Variants in DAB1 observed in about 807,000 individuals in gnomAD.
The protein encoded by DAB1 is DAB adaptor protein 1.
DAB1 carries 15 observed loss-of-function variants against 64.6 expected under a neutral mutation model. That is an observed-to-expected ratio of 0.23 (90% CI 0.16 to 0.36). The LOEUF is 0.36. DAB1 is among the 10% of genes least tolerant of loss of function. The pLI is 1.00. For synonymous variants in DAB1, 235 were observed against 251.9 expected, an observed-to-expected ratio of 0.93 and a Z score of 0.64; for missense variants, 596 against 706.7, an observed-to-expected ratio of 0.84 and a Z score of 1.78.
rs1180185592 is a variant in DAB1 at position 57,949,513 on chromosome 1, C to CTA, written n.388-65352_388-65351insTA. Among the ~76,000 whole-genome samples, 122 of 137,688 alleles carry CTA rather than the reference C, an allele frequency of 8.9e-4. 1 individual carries two copies. The highest frequency in any genetic ancestry group is 1.6e-3 in the Admixed American group (23 of 13,994). 90.3% of individuals were successfully genotyped at this position (137,688 alleles called of 152,430 possible). ...TATCTATCTATCTATCTATCTATAT[C>CTA]TGTCTGTCTGTCTGTCTGTCTATCT... On this transcript the variant is annotated intron_variant and non_coding_transcript_variant, in intron 5 of 20. Coordinates refer to the DAB1 transcript ENST00000485760.
At chr1:57,679,718 A>C (rs1472190475) in intron 6 of DAB1, among the ~76,000 whole-genome samples, 1 of 152,206 alleles carries the variant, frequency 6.6e-6, no homozygotes, top group Admixed American at 6.5e-5. Flanking sequence ...CATAGAAAAC[A>C]AAGTGGGAGA....
chr1:57,571,643 G>A lies in DAB1; in HGVS notation n.625+77949C>T, dbSNP rs577585277. ...AATGTTGGGCTAGAAGAAGACAAAC[G>A]ACCATCTGTTCCTAATTTTTCAGGT... On this transcript the variant is annotated intron_variant and non_coding_transcript_variant, in intron 7 of 20. Transcript: ENST00000485760. 1.4e-4 allele frequency among the ~76,000 whole-genome samples: 22 copies of A among 152,300 alleles called. No individual in the cohort carries two copies. The East Asian group carries it at 3.5e-3, about 24-fold the overall frequency.
At chr1:58,223,783 C>T (rs921051052) in intron 4 of DAB1, among the ~76,000 whole-genome samples, 1 of 152,156 alleles carries the variant, frequency 6.6e-6, no homozygotes, top group Non-Finnish European at 1.5e-5. Flanking sequence ...TAATAAAGTG[C>T]ACGATATTAC....
chr1:57,038,121 G>A (rs1647256737), intron 9 of DAB1, among the ~76,000 whole-genome samples: 1 of 152,186 alleles, frequency 6.6e-6, no homozygotes, highest in Non-Finnish European at 1.5e-5. Context: ...TTAATGGGGT[G>A]CTTCCTAAAT....
intron 5 of DAB1, among the ~76,000 whole-genome samples, chr1:58,030,377 A>G (rs138459900): frequency 3.3e-5 from 5 of 152,306 alleles, no homozygotes; most frequent in African/African-American, 1.2e-4. Flanking sequence ...GGTTTCCACA[A>G]CAAGCATATA....
chr1:58,375,371 T>G (rs919812187), intron 3 of DAB1, among the ~76,000 whole-genome samples: 59 of 139,480 alleles, frequency 4.2e-4, no homozygotes, highest in Admixed American at 1.4e-4. Context: ...ACCTAATTTA[T>G]TGAGAGTTTT....
intron 3 of DAB1, among the ~76,000 whole-genome samples, chr1:58,431,551 C>A (rs1644873062): frequency 8.5e-6 from 1 of 117,358 alleles, no homozygotes; most frequent in Admixed American, 9.5e-5. Context: ...GAGCGAGACT[C>A]CATCTGGAAA....
rs375252903 is a variant in DAB1, at chr1:58,247,507, CCA to C, written n.309+95843_309+95844del. Among the ~76,000 whole-genome samples, 20 of 152,256 alleles carry C rather than the reference CCA, an allele frequency of 1.3e-4. 1 individual carries two copies. The highest frequency in any genetic ancestry group is 4.6e-4 in the African/African-American group (19 of 41,544). ...AACAGCACACCAACAACTGGAGTCT[CCA>C]GTCATGGATGAATGGAGAAACAGAG... On this transcript the variant is annotated intron_variant and non_coding_transcript_variant, in intron 4 of 20. Transcript: ENST00000485760.
At chr1:57,462,645 A>G (rs1353114892) in intron 7 of DAB1, among the ~76,000 whole-genome samples, 1 of 152,110 alleles carries the variant, frequency 6.6e-6, no homozygotes, top group African/African-American at 2.4e-5. Context: ...TACTGCTCCC[A>G]TTTTTTAAAT....
At chr1:57,583,432 G>A (rs115776066) in intron 7 of DAB1, among the ~76,000 whole-genome samples, 13,059 of 151,536 alleles carry the variant, frequency 0.086, 799 homozygotes, top group Non-Finnish European at 0.13. Flanking sequence ...GACTACACGC[G>A]CGCGCCAATA....
rs750819465 is a variant in DAB1 at position 58,300,646 on chromosome 1, GAGGA to G, written n.309+42702_309+42705del. ...AGAGAGAGAGAGAGAGAGAGAGAGA[GAGGA>G]AGGAAGGAAGGAAGGAAGGAAGGAA... is the stretch of plus-strand genomic sequence containing the variant. On this transcript the variant is annotated intron_variant and non_coding_transcript_variant, in intron 4 of 20. Coordinates refer to the DAB1 transcript ENST00000485760. Among the ~76,000 whole-genome samples, 216 of 57,264 alleles carry G rather than the reference GAGGA, an allele frequency of 3.8e-3. 4 individuals are homozygous for G. Among genetic ancestry groups the G allele is most frequent in the Admixed American group, 7.2e-3 (41 of 5,688 alleles). 37.6% of individuals were successfully genotyped at this position (57,264 alleles called of 152,430 possible). A position where few individuals can be genotyped will look rare whatever the true frequency, so the allele number is the denominator to read the frequency against.
At chr1:57,560,848 G>C (rs1196294105) in intron 7 of DAB1, among the ~76,000 whole-genome samples, 1 of 152,196 alleles carries the variant, frequency 6.6e-6, no homozygotes, top group Non-Finnish European at 1.5e-5. Context: ...ATCTTCTTCA[G>C]ATAACTACTC....
chr1:58,344,757 C>A (rs1643976276), intron 3 of DAB1, among the ~76,000 whole-genome samples: 1 of 152,110 alleles, frequency 6.6e-6, no homozygotes. Flanking sequence ...TCACTGAGAG[C>A]CTGTTTTCTC....
chr1:57,854,403 G>C (rs1653665001), intron 1 of DAB1, among the ~76,000 whole-genome samples: 1 of 152,180 alleles, frequency 6.6e-6, no homozygotes, highest in Non-Finnish European at 1.5e-5. Context: ...CATTGTGAGA[G>C]GAAGAGCCCA....
At chr1:57,193,594 G>GC (rs1468704360) in intron 2 of DAB1, among the ~76,000 whole-genome samples, 1 of 151,972 alleles carries the variant, frequency 6.6e-6, no homozygotes, top group East Asian at 1.9e-4. Context: ...CACCATGTTA[G>GC]CCAGGATGGT....
chr1:57,390,890 G>A (rs1156749014), intron 1 of DAB1, among the ~76,000 whole-genome samples: 1 of 152,076 alleles, frequency 6.6e-6, no homozygotes, highest in Non-Finnish European at 1.5e-5. Flanking sequence ...CAAATTCCTA[G>A]CTGTCCTCCT....
intron 6 of DAB1, among the ~76,000 whole-genome samples, chr1:57,684,127 G>A (rs951351090): frequency 1.3e-5 from 2 of 152,050 alleles, no homozygotes; most frequent in African/African-American, 2.4e-5. Context: ...TATGTAAAGA[G>A]ACCAAACTTA....
intron 7 of DAB1, among the ~76,000 whole-genome samples, chr1:57,639,995 G>A (rs1646108690): frequency 6.6e-6 from 1 of 152,200 alleles, no homozygotes; most frequent in African/African-American, 2.4e-5. Flanking sequence ...TCTCTGGCAT[G>A]TGAAGTTGGA....
intron 4 of DAB1, among the ~76,000 whole-genome samples, chr1:57,113,998 G>C (rs1294251257): frequency 6.6e-6 from 1 of 152,136 alleles, no homozygotes; most frequent in Non-Finnish European, 1.5e-5. Flanking sequence ...TGCTGTTTTT[G>C]GTGATGCCTC....
Sources: gnomAD v4.1 joint callset for allele counts (sites outside exome capture counted in the v4.1 genomes callset) on GRCh38, gnomAD v4.1.1 for gene constraint, MANE v1.5 for transcripts, NCBI Gene and HGNC (gene_info 2026-07-23, HGNC 2026-07-21) for gene names.